SLC14A2: variants seen among roughly 807,000 people sequenced by gnomAD.
SLC14A2 encodes the protein solute carrier family 14 member 2.
In SLC14A2, 91 loss-of-function variants were observed where a neutral mutation model predicts 104.6. That is an observed-to-expected ratio of 0.87 (90% CI 0.73 to 1.04). The LOEUF (loss-of-function observed/expected upper bound fraction) is 1.04. SLC14A2 is among the 50% of genes least tolerant of loss of function. The probability of loss-of-function intolerance (pLI) is 0.00; values close to 1 mark genes in which losing one functional copy is unlikely to be tolerated. For synonymous variants in SLC14A2, 476 were observed against 466.4 expected (o/e 1.02, Z -0.27); for missense variants, 1,189 against 1,156.0 (o/e 1.03, Z -0.41).
At chr18:45,464,075 A>G (rs946659194) in intron 1 of SLC14A2, among the ~76,000 whole-genome samples, 2 of 152,232 alleles carry the variant, frequency 1.3e-5, no homozygotes, top group African/African-American at 4.8e-5. Flanking sequence ...TCTGGGCAGA[A>G]TCATTTGTCT....
At chr18:45,525,175 T>A (rs1221645594) in intron 2 of SLC14A2, among the ~76,000 whole-genome samples, 1 of 151,864 alleles carries the variant, frequency 6.6e-6, no homozygotes, top group Non-Finnish European at 1.5e-5. Flanking sequence ...TCCCTTCAGC[T>A]CCTTGTCCAT....
chr18:45,569,298 T>C (rs948456730), intron 2 of SLC14A2, among the ~76,000 whole-genome samples: 4 of 152,218 alleles, frequency 2.6e-5, no homozygotes, highest in Non-Finnish European at 5.9e-5. Context: ...TTCTCACCAA[T>C]AGCCTATAAA....
intron 1 of SLC14A2, among the ~76,000 whole-genome samples, chr18:45,433,448 C>A (rs542468222): frequency 6.6e-6 from 1 of 152,178 alleles, no homozygotes; most frequent in Admixed American, 6.5e-5. Flanking sequence ...ATCTCAAAGG[C>A]ATTCAACTTT....
chr18:45,580,955 A>G (rs1275814262), intron 2 of SLC14A2, among the ~76,000 whole-genome samples: 1 of 142,774 alleles, frequency 7.0e-6, no homozygotes, highest in Non-Finnish European at 1.5e-5. Context: ...CAGGCTGAGC[A>G]GGAGGCAGGA....
chr18:45,304,986 G>C (rs2085003918), intron 1 of SLC14A2, among the ~76,000 whole-genome samples: 1 of 150,744 alleles, frequency 6.6e-6, no homozygotes, highest in Admixed American at 6.6e-5. Context: ...GCTTGTAAGA[G>C]AGTGTTGGAG....
At chr18:45,539,242 G>A (rs963118430) in intron 2 of SLC14A2, among the ~76,000 whole-genome samples, 17 of 152,134 alleles carry the variant, frequency 1.1e-4, no homozygotes, top group Admixed American at 2.0e-4. Flanking sequence ...CTGGAAGAAA[G>A]TTGGGCAAGA....
intron 1 of SLC14A2, chr18:45,447,335 C>T (rs1392896988): frequency 6.6e-6 from 1 of 152,194 alleles, no homozygotes; most frequent in Non-Finnish European, 1.5e-5. Context: ...AGGTATTCCG[C>T]TTTCACTTTT....
intron 1 of SLC14A2, among the ~76,000 whole-genome samples, chr18:45,335,914 G>A (rs1214401876): frequency 3.9e-5 from 6 of 152,176 alleles, no homozygotes; most frequent in Non-Finnish European, 8.8e-5. Context: ...TAGATGAAGC[G>A]CTGGGCTTCC....
chr18:45,449,955 G>A (rs541274038), intron 1 of SLC14A2, among the ~76,000 whole-genome samples: 1 of 152,316 alleles, frequency 6.6e-6, no homozygotes, highest in East Asian at 1.9e-4. Context: ...GGGACACAGA[G>A]AAGAGATACA....
chr18:45,638,496 A>T lies in SLC14A2; in HGVS notation c.844-1250A>T, dbSNP rs981576833. On this transcript the variant is annotated intron_variant, in intron 6 of 19. Coordinates refer to ENST00000255226, the MANE Select transcript of SLC14A2 (RefSeq NM_007163.4). ...ATTCCCAACATCTACAGCAACGTCTACAGTAGATCATCTATAACTAATCTC... is the reference window on the plus strand; with the variant it reads ...ATTCCCAACATCTACAGCAACGTCTTCAGTAGATCATCTATAACTAATCTC... Among the ~76,000 whole-genome samples the T allele has an allele frequency of 3.9e-5, 6 of 152,352 alleles. 1 individual carries two copies. Among genetic ancestry groups the T allele is most frequent in the Admixed American group, 6.5e-5 (1 of 15,310 alleles).
At chr18:45,539,857 C>T (rs1367035428) in intron 2 of SLC14A2, among the ~76,000 whole-genome samples, 1 of 149,200 alleles carries the variant, frequency 6.7e-6, no homozygotes, top group Non-Finnish European at 1.5e-5. Flanking sequence ...CAGAGCTACC[C>T]ACTAAGCCAT....
intron 2 of SLC14A2, among the ~76,000 whole-genome samples, chr18:45,585,221 A>T (rs1018216221): frequency 6.6e-6 from 1 of 152,022 alleles, no homozygotes; most frequent in Non-Finnish European, 1.5e-5. Flanking sequence ...CATTCACAGG[A>T]CACCTTTCAG....
intron 1 of SLC14A2, among the ~76,000 whole-genome samples, chr18:45,425,425 A>G (rs1039187876): frequency 1.3e-5 from 2 of 152,198 alleles, no homozygotes; most frequent in African/African-American, 4.8e-5. Context: ...TCTCCTCTCC[A>G]TCTTCTCAGC....
At chr18:45,197,450 CAAGG>C in the SLC14A2 span, among the ~76,000 whole-genome samples, 2 of 152,122 alleles carry the variant, frequency 1.3e-5, no homozygotes, top group Non-Finnish European at 2.9e-5. Flanking sequence ...GCTCTATAAA[CAAGG>C]AAGATATTCG....
intron 1 of SLC14A2, among the ~76,000 whole-genome samples, chr18:45,247,980 T>C (rs2084383705): frequency 6.6e-6 from 1 of 152,172 alleles, no homozygotes; most frequent in Non-Finnish European, 1.5e-5. Context: ...GTTGAGCTCT[T>C]AAGTTCTCCT....
At chr18:45,333,406 G>A (rs1000489586) in intron 1 of SLC14A2, among the ~76,000 whole-genome samples, 3 of 152,106 alleles carry the variant, frequency 2.0e-5, no homozygotes, top group African/African-American at 7.2e-5. Flanking sequence ...AATACAGGTA[G>A]GAGCTATCTA....
chr18:45,665,213 G>A (rs2045996592), intron 11 of SLC14A2, among the ~76,000 whole-genome samples: 1 of 152,142 alleles, frequency 6.6e-6, no homozygotes, highest in Non-Finnish European at 1.5e-5. Flanking sequence ...GACGACTCAT[G>A]AGTGCAGAAC....
At chr18:45,601,486 A>G (rs2044790694) in intron 2 of SLC14A2, among the ~76,000 whole-genome samples, 1 of 152,210 alleles carries the variant, frequency 6.6e-6, no homozygotes, top group Non-Finnish European at 1.5e-5. Context: ...ACATAGTAAG[A>G]AAGGGACAAG....
intron 1 of SLC14A2, among the ~76,000 whole-genome samples, chr18:45,232,989 C>T (rs1259982000): frequency 6.6e-6 from 1 of 152,214 alleles, no homozygotes; most frequent in Admixed American, 6.5e-5. Flanking sequence ...ACTTAATTGT[C>T]TGTAGGAGAT....
Sources: gnomAD v4.1 joint callset for allele counts (sites outside exome capture counted in the v4.1 genomes callset) on GRCh38, gnomAD v4.1.1 for gene constraint, MANE v1.5 for transcripts, NCBI Gene and HGNC (gene_info 2026-07-23, HGNC 2026-07-21) for gene names.